PCDH15: variants seen among roughly 807,000 people sequenced by gnomAD.
The protein encoded by PCDH15 is protocadherin related 15.
PCDH15 carries 129 observed loss-of-function variants against 178.5 expected under a neutral mutation model. That is an observed-to-expected ratio of 0.72 (90% confidence interval 0.63 to 0.84). PCDH15 has a LOEUF of 0.84. Among genes scored for constraint, PCDH15 ranks in the 40% least tolerant of loss-of-function variants. PCDH15 has a pLI of 0.00. For missense variants in PCDH15, 2,230 were observed against 2,099.9 expected (o/e 1.06, Z -1.21); for synonymous variants, 800 against 732.0 (o/e 1.09, Z -1.50).
intron 2 of PCDH15, among the ~76,000 whole-genome samples, chr10:54,975,351 T>C (rs1462017064): frequency 6.6e-6 from 1 of 152,206 alleles, no homozygotes; most frequent in East Asian, 1.9e-4. Flanking sequence ...AATACAGATG[T>C]AAAGAAAAGA....
At position 53,809,002 on chromosome 10, in the gene PCDH15, T is replaced by A. The variant is rs753483013; in HGVS notation, c.4671+1554A>T. Reference sequence around the variant, plus strand: ...TTCCATCTTAGGTTCTTTTTGTTCTTCTTGTGGCTCCTCTTTCCTACCCTT... The same window carrying A: ...TTCCATCTTAGGTTCTTTTTGTTCTACTTGTGGCTCCTCTTTCCTACCCTT... On this transcript the variant is annotated intron_variant, in intron 37 of 37. Coordinates refer to ENST00000644397, the MANE Select transcript of PCDH15 (RefSeq NM_001384140.1). The A allele has an allele frequency of 6.4e-7, 1 of 1,574,232 alleles. No individual in the cohort carries two copies. The highest frequency in any genetic ancestry group is 1.9e-5 in the Admixed American group (1 of 52,862).
intron 2 of PCDH15, among the ~76,000 whole-genome samples, chr10:55,532,075 C>T (rs887539435): frequency 6.6e-6 from 1 of 151,834 alleles, no homozygotes; most frequent in Non-Finnish European, 1.5e-5. Flanking sequence ...CTATGAATAA[C>T]AGTTGTACAT....
At chr10:53,827,317 A>G in intron 32 of PCDH15, 76 bp downstream of exon 32, 1 of 1,497,434 alleles carries the variant, frequency 6.7e-7, no homozygotes. Flanking sequence ...TCCACATCAG[A>G]TTGAAATTAA....
chr10:54,227,932 C>T (rs2053629544), intron 9 of PCDH15, among the ~76,000 whole-genome samples: 1 of 152,160 alleles, frequency 6.6e-6, no homozygotes, highest in South Asian at 2.1e-4. Flanking sequence ...CTGAGACCAC[C>T]TCAGCCTGGT....
intron 18 of PCDH15, among the ~76,000 whole-genome samples, chr10:54,027,817 A>C (rs2093157299): frequency 7.1e-6 from 1 of 139,880 alleles, no homozygotes; most frequent in African/African-American, 2.8e-5. Flanking sequence ...CTTAAACGTT[A>C]GACCTAAAAC....
chr10:55,050,670 T>C (rs965443747), intron 2 of PCDH15, among the ~76,000 whole-genome samples: 1 of 152,094 alleles, frequency 6.6e-6, no homozygotes, highest in Non-Finnish European at 1.5e-5. Context: ...ATATATCCTC[T>C]ACTTCATGGT....
chr10:54,588,126 T>A (rs1448235193), intron 2 of PCDH15, among the ~76,000 whole-genome samples: 1 of 152,168 alleles, frequency 6.6e-6, no homozygotes, highest in Non-Finnish European at 1.5e-5. Flanking sequence ...AGTGTGGGTA[T>A]TAACTTATTA....
At chr10:55,172,841 T>C (rs1839376544) in intron 1 of PCDH15, among the ~76,000 whole-genome samples, 1 of 152,010 alleles carries the variant, frequency 6.6e-6, no homozygotes, top group Admixed American at 6.6e-5. Context: ...TGTATTTCTT[T>C]TAGATTGTCT....
At chr10:54,233,922 G>A (rs1214927964) in intron 9 of PCDH15, among the ~76,000 whole-genome samples, 1 of 152,126 alleles carries the variant, frequency 6.6e-6, no homozygotes, top group Non-Finnish European at 1.5e-5. Flanking sequence ...AACAGCCCTT[G>A]GATGACCTCG....
At chr10:55,395,340 C>G (rs925885455) in intron 2 of PCDH15, among the ~76,000 whole-genome samples, 2 of 151,978 alleles carry the variant, frequency 1.3e-5, no homozygotes, top group African/African-American at 4.8e-5. Context: ...AAATTCCCAG[C>G]TACTGATAGT....
At chr10:55,348,204 A>T (rs2131963402) in intron 2 of PCDH15, among the ~76,000 whole-genome samples, 1 of 152,280 alleles carries the variant, frequency 6.6e-6, no homozygotes, top group Admixed American at 6.5e-5. Context: ...AATTTAAAAA[A>T]TACAAAATAT....
chr10:54,924,827 TA>T (rs1005411285), intron 2 of PCDH15, among the ~76,000 whole-genome samples: 6 of 152,124 alleles, frequency 3.9e-5, no homozygotes, highest in Non-Finnish European at 8.8e-5. Context: ...TTAATTTCCT[TA>T]ATTTGCTAGA....
chr10:55,392,661 A>C (rs1470383571), intron 2 of PCDH15, among the ~76,000 whole-genome samples: 2 of 152,194 alleles, frequency 1.3e-5, no homozygotes, highest in Admixed American at 1.3e-4. Flanking sequence ...AAGCATTAAT[A>C]TATTTCACCA....
At chr10:55,580,614 C>T (rs931248428) in intron 2 of PCDH15, among the ~76,000 whole-genome samples, 7 of 152,106 alleles carry the variant, frequency 4.6e-5, no homozygotes, top group African/African-American at 4.8e-5. Context: ...CTGCCCACCT[C>T]GGCCTCCCAA....
At chr10:53,860,114 A>C (rs74387180) in intron 27 of PCDH15, among the ~76,000 whole-genome samples, 3,532 of 152,262 alleles carry the variant, frequency 0.023, 144 homozygotes, top group African/African-American at 0.08. Flanking sequence ...AAACATCAGA[A>C]GTTCCCTCTA....
chr10:55,059,909 G>T (rs1591867563), intron 2 of PCDH15, among the ~76,000 whole-genome samples: 4 of 151,704 alleles, frequency 2.6e-5, no homozygotes, highest in Middle Eastern at 6.8e-3. Context: ...TAGATGAATA[G>T]AAATAATATC....
At chr10:54,101,575 G>A (rs2094812713) in intron 15 of PCDH15, among the ~76,000 whole-genome samples, 1 of 152,096 alleles carries the variant, frequency 6.6e-6, no homozygotes, top group Non-Finnish European at 1.5e-5. Flanking sequence ...AGCAGGATTG[G>A]AGCATACAGC....
chr10:54,047,056 TA>T (rs1367105431), intron 18 of PCDH15, among the ~76,000 whole-genome samples: 1 of 152,172 alleles, frequency 6.6e-6, no homozygotes, highest in African/African-American at 2.4e-5. Context: ...TAGGATCTCA[TA>T]AATAAGTAAT....
chr10:53,859,977 G>A (rs1412230109), intron 27 of PCDH15, among the ~76,000 whole-genome samples: 1 of 152,088 alleles, frequency 6.6e-6, no homozygotes, highest in Non-Finnish European at 1.5e-5. Context: ...TACCCAACAG[G>A]ATTTCAGAAT....
Sources: allele counts gnomAD v4.1 joint callset (sites outside exome capture counted in the v4.1 genomes callset), GRCh38; gene constraint gnomAD v4.1.1; transcripts MANE v1.5; gene names NCBI Gene and HGNC (gene_info 2026-07-23, HGNC 2026-07-21).